The following NECTIN1 variants were observed in gnomAD, a reference collection of about 807,000 sequenced individuals.
NECTIN1 encodes the protein nectin-1.
Under a neutral mutation model 48.0 loss-of-function variants are expected in NECTIN1, and 23 were observed. The ratio of observed to expected loss-of-function variants is 0.48; its 90% CI spans 0.34 to 0.68. The LOEUF is 0.68. Ranked by LOEUF, NECTIN1 falls within the 30% of genes least tolerant of loss-of-function variation. The pLI is 0.01. For synonymous variants in NECTIN1, 270 were observed against 288.9 expected (o/e 0.93, Z 0.66); for missense variants, 591 against 709.9 (o/e 0.83, Z 1.90).
chr11:119,677,589 G>C lies in NECTIN1; in HGVS notation c.699C>G (p.Asp233Glu), dbSNP rs1163138049. ...TGAGAGTGAGGCTTTCCTTGAAGCG[G>C]TCCATGTGGTAGTTGACGATGCAGG... ...SLACIVNYHM[D>E]RFKESLTLNV... The change falls in exon 3 of 6, where the codon GAC becomes GAG. Residue 233 changes from aspartate to glutamate, a missense_variant. Coordinates refer to ENST00000264025, the MANE Select transcript of NECTIN1 (RefSeq NM_002855.5). This position sits in a 1 kb window ranked among gnomAD's most constrained non-coding sequence, Gnocchi z 5.4. 1 of 1,613,088 alleles carries C rather than the reference G, an allele frequency of 6.2e-7. No homozygotes were observed. Among genetic ancestry groups the C allele is most frequent in the Admixed American group, 1.7e-5 (1 of 60,032 alleles).
chr11:119,724,928 TTTTG>T (rs1865887218), intron 1 of NECTIN1, among the ~76,000 whole-genome samples: 1 of 152,240 alleles, frequency 6.6e-6, no homozygotes, highest in Non-Finnish European at 1.5e-5. Flanking sequence ...TTTTTTTGTT[TTTTG>T]TTTTTTTTAA....
At chr11:119,674,475 C>A in intron 5 of NECTIN1, 1 of 1,607,686 alleles carries the variant, frequency 6.2e-7, no homozygotes, top group Non-Finnish European at 8.5e-7. Context: ...TGACAACAGC[C>A]CTTCAAGGTA....
Position 119,728,676 on chromosome 11 carries a change from T to G in NECTIN1, c.-123A>C, listed in dbSNP as rs1591495105. ...GGGCGCTCGAAGGATCCAGGTCAGC[T>G]GCAGCCGTCGGCCGGGGCGGGGTGG... is the stretch of plus-strand genomic sequence containing the variant. On this transcript the variant is annotated 5_prime_UTR_variant, in exon 1 of 6. Transcript: ENST00000264025. 1.3e-5 allele frequency: 2 copies of G among 154,150 alleles called. No individual in the cohort carries two copies. Among genetic ancestry groups the G allele is most frequent in the Non-Finnish European group, 2.6e-5 (2 of 76,082 alleles). The allele number at this position is 154,150 out of a possible 1,614,324, so 9.5% of individuals were successfully genotyped here.
chr11:119,659,437 A>C (rs1591445056), downstream of NECTIN1, among the ~76,000 whole-genome samples: 1 of 152,120 alleles, frequency 6.6e-6, no homozygotes, highest in East Asian at 1.9e-4. Context: ...GAACTTAGAC[A>C]CTCAGACAGG....
At chr11:119,714,074 G>T in intron 1 of NECTIN1, 1 of 305,150 alleles carries the variant, frequency 3.3e-6, no homozygotes, top group Non-Finnish European at 6.6e-6. Context: ...AGGGGTAAGA[G>T]ATTCTTTCAG....
chr11:119,711,403 A>G (rs1160717378), intron 1 of NECTIN1, among the ~76,000 whole-genome samples: 1 of 150,920 alleles, frequency 6.6e-6, no homozygotes, highest in Non-Finnish European at 1.5e-5. Context: ...AAAAAAAAAA[A>G]GGCATGGAGA....
At chr11:119,710,751 T>A (rs193113656) in intron 1 of NECTIN1, among the ~76,000 whole-genome samples, 19 of 151,896 alleles carry the variant, frequency 1.3e-4, no homozygotes, top group African/African-American at 4.6e-4. Context: ...GAGTTTGAAG[T>A]GTAGAGGAGT....
At chr11:119,650,079 C>T (rs898019594) in intron 5 of NECTIN1, among the ~76,000 whole-genome samples, 2 of 149,162 alleles carry the variant, frequency 1.3e-5, no homozygotes, top group South Asian at 4.3e-4. Context: ...TGTTATCTGG[C>T]GGGCAAGAGT....
At chr11:119,726,238 G>T (rs971625924) in intron 1 of NECTIN1, among the ~76,000 whole-genome samples, 1 of 152,210 alleles carries the variant, frequency 6.6e-6, no homozygotes, top group Non-Finnish European at 1.5e-5. Flanking sequence ...GGGCAATGGG[G>T]AGGAAGCCAG....
intron 1 of NECTIN1, among the ~76,000 whole-genome samples, chr11:119,726,897 C>T (rs985370452): frequency 4.6e-5 from 7 of 152,184 alleles, no homozygotes; most frequent in Non-Finnish European, 1.0e-4. Flanking sequence ...AGAGCCCGAA[C>T]TTCTGTATCT....
At chr11:119,639,825 A>G (rs376901395) in intron 6 of NECTIN1, 14 of 1,613,386 alleles carry the variant, frequency 8.7e-6, no homozygotes, top group Non-Finnish European at 1.2e-5. Context: ...TGGGGAGCAG[A>G]CCAGTGGGAG....
intron 4 of NECTIN1, chr11:119,675,718 C>CAGAT (rs1430400923): frequency 4.5e-6 from 1 of 221,194 alleles, no homozygotes; most frequent in East Asian, 1.1e-4. Context: ...GTTAATAATA[C>CAGAT]AGATGCCAGC....
At chr11:119,657,205 C>T (rs1430988831), downstream of NECTIN1, among the ~76,000 whole-genome samples, 1 of 152,158 alleles carries the variant, frequency 6.6e-6, no homozygotes, top group African/African-American at 2.4e-5. Flanking sequence ...AACTTCCCAC[C>T]CCTTCAGTCC....
intron 5 of NECTIN1, chr11:119,674,514 T>TG (rs3215181): frequency 0.09 from 145,211 of 1,609,492 alleles, 7,503 homozygotes; most frequent in African/African-American, 0.22. Context: ...TTACAGATGG[T>TG]GGGGGGGGCC....
chr11:119,684,428 C>T lies in NECTIN1; in HGVS notation c.80-5663G>A, dbSNP rs1309611836. Among the ~76,000 whole-genome samples, 1 of 152,222 alleles carries T rather than the reference C, an allele frequency of 6.6e-6. No individual in the cohort carries two copies. The highest frequency in any genetic ancestry group is 2.4e-5 in the African/African-American group (1 of 41,456). On this transcript the variant is annotated intron_variant, in intron 1 of 5. Transcript: ENST00000264025. This position sits in a 1 kb window ranked among gnomAD's most constrained non-coding sequence, Gnocchi z 5.2. ...GTGTGTGTCTGAGGTGGGTGCTGGG[C>T]TCCGCCATAAGGGCCTCTGTGAAAT...
At chr11:119,699,547 G>A (rs992061837) in intron 1 of NECTIN1, among the ~76,000 whole-genome samples, 1 of 152,234 alleles carries the variant, frequency 6.6e-6, no homozygotes, top group Non-Finnish European at 1.5e-5. Context: ...GGGCAGGCAC[G>A]GCTGGGCCTC....
At chr11:119,716,993 C>T (rs542340057) in intron 1 of NECTIN1, among the ~76,000 whole-genome samples, 3 of 152,348 alleles carry the variant, frequency 2.0e-5, no homozygotes, top group East Asian at 1.9e-4. Context: ...ATCATTACAG[C>T]GCAAACTGTG....
downstream of NECTIN1, among the ~76,000 whole-genome samples, chr11:119,660,505 C>T (rs1197054597): frequency 3.3e-5 from 5 of 152,128 alleles, no homozygotes; most frequent in Non-Finnish European, 5.9e-5. Flanking sequence ...AGCTCTTCTC[C>T]GTCCCCAGGG....
intron 1 of NECTIN1, among the ~76,000 whole-genome samples, chr11:119,722,866 T>C (rs1162390708): frequency 6.6e-6 from 1 of 152,274 alleles, no homozygotes; most frequent in Non-Finnish European, 1.5e-5. Context: ...TGTGTTCACA[T>C]GCCTGGCAAT....
Sources: gnomAD v4.1 joint callset for allele counts (sites outside exome capture counted in the v4.1 genomes callset) on GRCh38, gnomAD v4.1.1 for gene constraint, Gnocchi (gnomAD v3.1) non-coding constraint, MANE v1.5 for transcripts, NCBI Gene and HGNC (gene_info 2026-07-23, HGNC 2026-07-21) for gene names.